The following LUZP1 variants were observed in gnomAD, a reference collection of about 807,000 sequenced individuals.
The protein encoded by LUZP1 is filamin mechanobinding actin cross-linking protein.
In LUZP1, 25 loss-of-function variants were observed where a neutral mutation model predicts 71.3. The ratio of observed to expected loss-of-function variants is 0.35; its 90% CI spans 0.26 to 0.49. The LOEUF is 0.49. LUZP1 is among the 20% of genes least tolerant of loss of function. The pLI is 0.99. For missense variants in LUZP1, 1,142 were observed against 1,300.8 expected, an observed-to-expected ratio of 0.88 and a Z score of 1.88; for synonymous variants, 481 against 506.4, an observed-to-expected ratio of 0.95 and a Z score of 0.67.
intron 2 of LUZP1, among the ~76,000 whole-genome samples, chr1:23,166,020 C>T (rs1644506920): frequency 6.9e-6 from 1 of 145,238 alleles, no homozygotes; most frequent in South Asian, 2.2e-4. Flanking sequence ...TACTACACTA[C>T]TACAGCCTTA....
At chr1:23,091,402 G>T in exon 4 of LUZP1, 1 of 1,614,148 alleles carries the variant, frequency 6.2e-7, no homozygotes, top group South Asian at 1.1e-5. Context: ...GAAGACCTCT[G>T]GGTGTAGGCA....
At chr1:23,109,459 T>A (rs1265789066) in intron 2 of LUZP1, 4 of 152,234 alleles carry the variant, frequency 2.6e-5, no homozygotes, top group Non-Finnish European at 4.4e-5. Context: ...ATCTTACAGC[T>A]AGGAAGCATC....
At chr1:23,147,034 T>C (rs924400729) in intron 2 of LUZP1, among the ~76,000 whole-genome samples, 3 of 147,880 alleles carry the variant, frequency 2.0e-5, no homozygotes, top group Non-Finnish European at 4.5e-5. Flanking sequence ...GAGGCGGAGG[T>C]TGCAGTGAGC....
intron 3 of LUZP1, among the ~76,000 whole-genome samples, chr1:23,095,315 C>T (rs951562026): frequency 6.6e-6 from 1 of 152,098 alleles, no homozygotes; most frequent in Non-Finnish European, 1.5e-5. Context: ...TCCATTTCCA[C>T]CACTACAGCA....
chr1:23,093,386 G>A lies in LUZP1; in HGVS notation c.876C>T (p.Asn292=). ...GTGTCTTAAGTTTCTCAATCTCTTG[G>A]TTAAGGTCTTTGACTTTGTTGTCTT... The change falls in exon 4 of 5, where the codon AAC becomes AAT. Residue 292 remains asparagine (N), a synonymous_variant. Transcript: ENST00000302291. This position sits in a 1 kb window ranked among gnomAD's most constrained non-coding sequence, Gnocchi z 4.2. 3 of 1,613,762 alleles carry A rather than the reference G, an allele frequency of 1.9e-6. No homozygotes were observed. Among genetic ancestry groups the A allele is most frequent in the Non-Finnish European group, 2.5e-6 (3 of 1,179,982 alleles).
chr1:23,153,131 C>T (rs1332501998), intron 2 of LUZP1, among the ~76,000 whole-genome samples: 1 of 152,120 alleles, frequency 6.6e-6, no homozygotes, highest in African/African-American at 2.4e-5. Flanking sequence ...AGATCAGGTC[C>T]AAATTCCTCA....
intron 2 of LUZP1, among the ~76,000 whole-genome samples, chr1:23,139,019 A>AAAAAAATTT (rs1317355746): frequency 1.7e-5 from 1 of 59,962 alleles, no homozygotes; most frequent in African/African-American, 9.3e-5. Context: ...AAAAAAAAAA[A>AAAAAAATTT]ATATATATAT....
chr1:23,136,675 G>A (rs923519379), intron 2 of LUZP1, among the ~76,000 whole-genome samples: 9 of 152,180 alleles, frequency 5.9e-5, no homozygotes, highest in South Asian at 4.1e-4. Context: ...TTGGGAGGCC[G>A]AGGCGGGTGG....
chr1:23,156,774 G>A (rs539456283), intron 2 of LUZP1, among the ~76,000 whole-genome samples: 26 of 152,106 alleles, frequency 1.7e-4, no homozygotes, highest in Non-Finnish European at 3.4e-4. Flanking sequence ...CTTTTTTGAC[G>A]TGCCATTTAT....
At chr1:23,150,726 AC>A (rs1644377109) in intron 2 of LUZP1, among the ~76,000 whole-genome samples, 1 of 152,162 alleles carries the variant, frequency 6.6e-6, no homozygotes, top group Non-Finnish European at 1.5e-5. Flanking sequence ...ATGAAGACAA[AC>A]ATATCAAAAA....
chr1:23,158,166 CTAA>C (rs1644435108), intron 2 of LUZP1, among the ~76,000 whole-genome samples: 1 of 152,192 alleles, frequency 6.6e-6, no homozygotes, highest in Admixed American at 6.5e-5. Flanking sequence ...CTGAAATTGT[CTAA>C]TTTAAACATT....
At chr1:23,161,604 T>A (rs1644466701) in intron 2 of LUZP1, among the ~76,000 whole-genome samples, 1 of 151,678 alleles carries the variant, frequency 6.6e-6, no homozygotes, top group Admixed American at 6.6e-5. Flanking sequence ...TTAAATAAAA[T>A]AAGAATAAAA....
chr1:23,142,593 C>T (rs1445959696), intron 2 of LUZP1, among the ~76,000 whole-genome samples: 1 of 151,854 alleles, frequency 6.6e-6, no homozygotes, highest in Non-Finnish European at 1.5e-5. Flanking sequence ...GCCAGAATTA[C>T]ACATTACAGC....
At chr1:23,156,735 T>A (rs540586401) in intron 2 of LUZP1, among the ~76,000 whole-genome samples, 1 of 152,180 alleles carries the variant, frequency 6.6e-6, no homozygotes, top group African/African-American at 2.4e-5. Context: ...ACTGGGCGCA[T>A]CTTCCAATCA....
At chr1:23,146,618 C>T (rs1030542279) in intron 2 of LUZP1, among the ~76,000 whole-genome samples, 6 of 151,506 alleles carry the variant, frequency 4.0e-5, no homozygotes, top group Non-Finnish European at 7.4e-5. Context: ...GGCAACATGG[C>T]AAAACCCCAT....
chr1:23,154,709 A>ATTTTTTT (rs1191570803), intron 2 of LUZP1, among the ~76,000 whole-genome samples: 2 of 125,634 alleles, frequency 1.6e-5, no homozygotes, highest in African/African-American at 6.3e-5. Flanking sequence ...CACCTGGCTA[A>ATTTTTTT]TTTTTTTTTT....
At chr1:23,117,474 TCTCCC>T (rs1557653713) in intron 2 of LUZP1, among the ~76,000 whole-genome samples, 38 of 29,498 alleles carry the variant, frequency 1.3e-3, no homozygotes, top group East Asian at 7.8e-3. Flanking sequence ...TCTCTCTCTC[TCTCCC>T]CCCCCCCCCC....
intron 2 of LUZP1, among the ~76,000 whole-genome samples, chr1:23,145,316 T>C (rs1285237761): frequency 6.6e-6 from 1 of 152,192 alleles, no homozygotes; most frequent in African/African-American, 2.4e-5. Flanking sequence ...GAACGCTATT[T>C]GAAGGAAATG....
intron 2 of LUZP1, among the ~76,000 whole-genome samples, chr1:23,168,139 G>A (rs1317601828): frequency 1.4e-5 from 2 of 146,054 alleles, no homozygotes; most frequent in African/African-American, 4.9e-5. Context: ...AGCTGCGGCG[G>A]CCGCGGGACC....
Sources: allele counts gnomAD v4.1 joint callset (sites outside exome capture counted in the v4.1 genomes callset), GRCh38; gene constraint gnomAD v4.1.1; non-coding constraint Gnocchi (gnomAD v3.1); transcripts MANE v1.5; gene names NCBI Gene and HGNC (gene_info 2026-07-23, HGNC 2026-07-21).